ATCAY: variants seen among roughly 807,000 people sequenced by gnomAD.
ATCAY encodes ATCAY kinesin light chain interacting caytaxin.
ATCAY carries 22 observed loss-of-function variants against 47.7 expected under a neutral mutation model. That is an observed-to-expected ratio of 0.46 (90% confidence interval 0.33 to 0.66). The LOEUF (loss-of-function observed/expected upper bound fraction) is 0.66. Ranked by LOEUF, ATCAY falls within the 30% of genes least tolerant of loss-of-function variation. The probability of loss-of-function intolerance (pLI) is 0.02; values close to 1 mark genes in which losing one functional copy is unlikely to be tolerated. For synonymous variants in ATCAY, 216 were observed against 207.6 expected, an observed-to-expected ratio of 1.04 and a Z score of -0.35; for missense variants, 452 against 515.0, an observed-to-expected ratio of 0.88 and a Z score of 1.18.
chr19:3,922,084 A>G, intron 12 of ATCAY: 1 of 693,234 alleles, frequency 1.4e-6, no homozygotes, highest in Non-Finnish European at 2.6e-6. Context: ...AAGCTGACCC[A>G]AGCCTTTCTA....
intron 10 of ATCAY, among the ~76,000 whole-genome samples, 170 bp downstream of exon 10, chr19:3,917,947 T>G (rs1466077491): frequency 1.6e-4 from 24 of 152,130 alleles, no homozygotes; most frequent in Admixed American, 1.6e-3. Context: ...TGGGTTCAAA[T>G]ACTGGCTCCC....
chr19:3,894,031 C>T (rs1335270541), intron 2 of ATCAY, among the ~76,000 whole-genome samples: 1 of 152,094 alleles, frequency 6.6e-6, no homozygotes, highest in East Asian at 1.9e-4. Flanking sequence ...TGCAGGACGC[C>T]AACATCATGC....
intron 2 of ATCAY, among the ~76,000 whole-genome samples, chr19:3,892,155 G>T (rs2145227167): frequency 6.6e-6 from 1 of 152,064 alleles, no homozygotes; most frequent in South Asian, 2.1e-4. Flanking sequence ...TTCCCAAAGT[G>T]CTGGGATTAC....
At chr19:3,890,778 G>A (rs561851525) in intron 2 of ATCAY, among the ~76,000 whole-genome samples, 3 of 152,290 alleles carry the variant, frequency 2.0e-5, no homozygotes, top group South Asian at 2.1e-4. Context: ...CAGTGGCCTC[G>A]CTGTGCCAGC....
In ATCAY at chr19:3,885,710, C is replaced by A; in HGVS notation, c.-41-17C>A. 6.8e-7 allele frequency: 1 copy of A among 1,469,698 alleles called. No homozygotes were observed. The highest frequency in any genetic ancestry group is 1.2e-5 in the South Asian group (1 of 82,200). 91.0% of individuals were successfully genotyped at this position (1,469,698 alleles called of 1,614,324 possible). A position where few individuals can be genotyped will look rare whatever the true frequency, so the allele number is the denominator to read the frequency against. The stretch of plus-strand genomic sequence containing the variant: ...CTATTGTCCAGTAAAACCCATTCCT[C>A]TGCGGCTTCCTTTCAGGGGTCATCC... On this transcript the variant is annotated splice_polypyrimidine_tract_variant and intron_variant, in intron 1 of 12. Coordinates refer to ENST00000450849, the MANE Select transcript of ATCAY (RefSeq NM_033064.5).
In ATCAY at chr19:3,905,534, G is replaced by T; in HGVS notation, c.237G>T (p.Leu79=). The change falls in exon 4 of 13, where the codon CTG becomes CTT. Residue 79 remains leucine, a synonymous_variant. Transcript: ENST00000450849. ...CTCTGGATCAGAGTGAGGGGTCCCT[G>T]CTGTCCGATGACTTCTTGGATACCC... ...NISLDQSEGS[L]LSDDFLDTPD... is the part of the protein sequence containing the mutation. 1 of 1,613,980 alleles carries T rather than the reference G, an allele frequency of 6.2e-7. No homozygotes were observed. Among genetic ancestry groups the T allele is most frequent in the Non-Finnish European group, 8.5e-7 (1 of 1,179,886 alleles).
chr19:3,882,943 G>A (rs2038614744), intron 1 of ATCAY, among the ~76,000 whole-genome samples: 1 of 151,278 alleles, frequency 6.6e-6, no homozygotes, highest in South Asian at 2.1e-4. Context: ...CATTGTGCTT[G>A]GTTAGTTTTT....
chr19:3,905,839 C>T (rs1479665502), intron 4 of ATCAY, among the ~76,000 whole-genome samples, 184 bp downstream of exon 4: 3 of 152,002 alleles, frequency 2.0e-5, no homozygotes, highest in Admixed American at 6.6e-5. Context: ...CCAGCCTGGA[C>T]AACAGAGTGA....
chr19:3,900,344 C>G (rs1417047128), intron 2 of ATCAY, among the ~76,000 whole-genome samples: 1 of 151,584 alleles, frequency 6.6e-6, no homozygotes, highest in Admixed American at 6.6e-5. Context: ...GGCACCACCA[C>G]GTCCAGCTAA....
chr19:3,908,701 CT>C (rs2038890390), intron 6 of ATCAY, among the ~76,000 whole-genome samples: 1 of 66,322 alleles, frequency 1.5e-5, no homozygotes, highest in Non-Finnish European at 3.5e-5. Flanking sequence ...CTCCCCCCTC[CT>C]CCTCCCTTTT....
At chr19:3,887,553 C>A (rs1412655150) in intron 2 of ATCAY, among the ~76,000 whole-genome samples, 2 of 151,138 alleles carry the variant, frequency 1.3e-5, no homozygotes, top group Non-Finnish European at 2.9e-5. Flanking sequence ...GTGGCGCGAT[C>A]TTGGCTCACT....
At chr19:3,916,779 GTTTTTTGTT>G (rs980212072) in intron 9 of ATCAY, among the ~76,000 whole-genome samples, 2 of 150,538 alleles carry the variant, frequency 1.3e-5, no homozygotes, top group African/African-American at 4.9e-5. Flanking sequence ...CACCCAGCCT[GTTTTTTGTT>G]GTTGTTGTTT....
intron 2 of ATCAY, among the ~76,000 whole-genome samples, chr19:3,886,633 A>G (rs1484377606): frequency 6.7e-6 from 1 of 149,156 alleles, no homozygotes; most frequent in Non-Finnish European, 1.5e-5. Flanking sequence ...TCATGCGCCT[A>G]TAATTCCAGC....
chr19:3,894,531 G>A (rs1418054860), intron 2 of ATCAY, among the ~76,000 whole-genome samples: 1 of 148,320 alleles, frequency 6.7e-6, no homozygotes, highest in African/African-American at 2.5e-5. Context: ...GTGTGTGCTG[G>A]TAGTCCCAGC....
In ATCAY at chr19:3,925,672, T is replaced by TG. The variant is rs2145273260; in HGVS notation, c.*1082dup. The TG allele has an allele frequency of 6.6e-6, 1 of 152,322 alleles. No individual in the cohort carries two copies. Among genetic ancestry groups the TG allele is most frequent in the East Asian group, 1.9e-4 (1 of 5,184 alleles). The allele number at this position is 152,322 out of a possible 1,614,324, so 9.4% of individuals were successfully genotyped here. A position where few individuals can be genotyped will look rare whatever the true frequency, so the allele number is the denominator to read the frequency against. Reference sequence around the variant, plus strand: ...GTCCAAATGCGGATCACTGGTCAGATGGACTCTAGAAGCACTGAGCTCCCT... The same window carrying TG: ...GTCCAAATGCGGATCACTGGTCAGATGGGACTCTAGAAGCACTGAGCTCCCT... On this transcript the variant is annotated 3_prime_UTR_variant, in exon 13 of 13. Transcript: ENST00000450849. This position sits in a 1 kb window ranked among gnomAD's most constrained non-coding sequence, Gnocchi z 4.4.
chr19:3,927,634 A>C lies in ATCAY; in HGVS notation c.*3042A>C, dbSNP rs1006094326. 2 of 152,350 alleles carry C rather than the reference A, an allele frequency of 1.3e-5. No individual in the cohort carries two copies. The highest frequency in any genetic ancestry group is 2.9e-5 in the Non-Finnish European group (2 of 68,146). The allele number at this position is 152,350 out of a possible 1,614,324, so 9.4% of individuals were successfully genotyped here. On this transcript the variant is annotated 3_prime_UTR_variant, in exon 13 of 13. Coordinates refer to ENST00000450849, the MANE Select transcript of ATCAY (RefSeq NM_033064.5). ...GCCCCTTTGGATCACCAGCAGTCAC[A>C]GACAACAGGCAGGCGAAACTGAAGA...
Position 3,910,798 on chromosome 19 carries a change from C to T in ATCAY, c.780-5C>T, listed in dbSNP as rs772767948. The stretch of plus-strand genomic sequence containing the variant: ...CCATCTTGCTTCCTTTGCGGCCCCA[C>T]ACAGGTTGCGGAAAAACCTGAAGTC... On this transcript the variant is annotated splice_region_variant and splice_polypyrimidine_tract_variant and intron_variant, in intron 7 of 12. Transcript: ENST00000450849. 11 of 1,614,038 alleles carry T rather than the reference C, an allele frequency of 6.8e-6. No individual in the cohort carries two copies. In the African/African-American group the frequency reaches 9.3e-5, roughly 14 times the overall value.
chr19:3,910,649 G>T (rs933900368), intron 7 of ATCAY, among the ~76,000 whole-genome samples, 154 bp from the exon 8 acceptor site: 1 of 152,108 alleles, frequency 6.6e-6, no homozygotes, highest in Non-Finnish European at 1.5e-5. Context: ...CCCATGTCTT[G>T]GATGGGGGCA....
chr19:3,902,516 T>C lies in ATCAY; in HGVS notation c.107T>C (p.Leu36Pro). Residue 36 changes from leucine (L) to proline (P), a missense_variant, in exon 3 of 13, where the codon CTG (leucine) becomes CCG (proline). Physicochemically the swap from Leu to Pro is moderately conservative, Grantham distance 98 (BLOSUM62 -3). Transcript: ENST00000450849. ...RPLPEETGVE[L>P]LGSPVEDTSS... ...CTCCCAGAAGAGACGGGGGTGGAAC[T>C]GCTTGGCAGCCCGGTGGAAGACACA... 1.3e-6 allele frequency: 2 copies of C among 1,580,536 alleles called. No homozygotes were observed. The highest frequency in any genetic ancestry group is 8.6e-7 in the Non-Finnish European group (1 of 1,163,246).
Sources: allele counts gnomAD v4.1 joint callset (sites outside exome capture counted in the v4.1 genomes callset), GRCh38; gene constraint gnomAD v4.1.1; non-coding constraint Gnocchi (gnomAD v3.1); transcripts MANE v1.5; gene names NCBI Gene and HGNC (gene_info 2026-07-23, HGNC 2026-07-21).